MECOM: variants seen among roughly 807,000 people sequenced by gnomAD.
MECOM encodes histone-lysine N-methyltransferase MECOM.
MECOM carries 13 observed loss-of-function variants against 116.3 expected under a neutral mutation model. The ratio of observed to expected loss-of-function variants is 0.11; its 90% CI spans 0.07 to 0.18. The LOEUF is 0.18. Among genes scored for constraint, MECOM ranks in the 10% least tolerant of loss-of-function variants. The probability of loss-of-function intolerance (pLI) is 1.00; values close to 1 mark genes in which losing one functional copy is unlikely to be tolerated. For synonymous variants in MECOM, 528 were observed against 535.2 expected (o/e 0.99, Z 0.19); for missense variants, 1,299 against 1,509.0 (o/e 0.86, Z 2.31).
At chr3:169,307,389 C>T (rs1444520378) in intron 2 of MECOM, among the ~76,000 whole-genome samples, 2 of 152,036 alleles carry the variant, frequency 1.3e-5, no homozygotes, top group African/African-American at 4.8e-5. Flanking sequence ...TGAGACCAGC[C>T]TGAACAATAA....
At chr3:169,391,272 C>G (rs1358851376) in intron 1 of MECOM, among the ~76,000 whole-genome samples, 1 of 152,050 alleles carries the variant, frequency 6.6e-6, no homozygotes, top group African/African-American at 2.4e-5. Flanking sequence ...GAGCAATGGT[C>G]CTTGTTCTCA....
At chr3:169,462,192 G>C (rs539950709) in intron 1 of MECOM, among the ~76,000 whole-genome samples, 7 of 152,126 alleles carry the variant, frequency 4.6e-5, no homozygotes, top group Non-Finnish European at 1.0e-4. Flanking sequence ...AGTGAAGGTA[G>C]CCCCAGCAGA....
intron 2 of MECOM, among the ~76,000 whole-genome samples, chr3:169,229,255 A>G (rs1753096961): frequency 6.6e-6 from 1 of 152,224 alleles, no homozygotes; most frequent in African/African-American, 2.4e-5. Flanking sequence ...TTTAGCTAGA[A>G]AGTGCCATCC....
chr3:169,479,214 A>G (rs149931009), intron 1 of MECOM, among the ~76,000 whole-genome samples: 103 of 152,182 alleles, frequency 6.8e-4, no homozygotes, highest in African/African-American at 2.0e-3. Flanking sequence ...TCAGGCAGGA[A>G]GTGACACTTA....
chr3:169,491,375 G>T (rs567314468), intron 1 of MECOM, among the ~76,000 whole-genome samples: 1 of 152,124 alleles, frequency 6.6e-6, no homozygotes, highest in South Asian at 2.1e-4. Context: ...ACTAGAAAAG[G>T]CTCTAGGTTG....
intron 2 of MECOM, among the ~76,000 whole-genome samples, chr3:169,350,543 A>G (rs1177123079): frequency 6.6e-6 from 1 of 151,950 alleles, no homozygotes; most frequent in African/African-American, 2.4e-5. Context: ...AGTCCAAATT[A>G]TGAGGTGTTA....
intron 1 of MECOM, among the ~76,000 whole-genome samples, chr3:169,482,576 C>T (rs142487956): frequency 0.013 from 1,976 of 152,138 alleles, 51 homozygotes; most frequent in African/African-American, 0.046. Context: ...CCTCGTGATC[C>T]GCCCGCCTCG....
chr3:169,534,464 T>C lies in MECOM; in HGVS notation c.37+128872A>G, dbSNP rs76039226. On this transcript the variant is annotated intron_variant, in intron 1 of 16. Transcript: ENST00000651503. Reference sequence around the variant, plus strand: ...CAGTGTAATCAGTGGTAGTGGCATCTTTCACTGTCATAAGTGTGTCATTTT... The same window carrying C: ...CAGTGTAATCAGTGGTAGTGGCATCCTTCACTGTCATAAGTGTGTCATTTT... 3.2e-3 allele frequency among the ~76,000 whole-genome samples: 487 copies of C among 152,266 alleles called. 3 individuals carry two copies. Among genetic ancestry groups the C allele is most frequent in the African/African-American group, 0.011 (467 of 41,558 alleles).
At chr3:169,235,945 G>C (rs1276611254) in intron 2 of MECOM, among the ~76,000 whole-genome samples, 2 of 149,668 alleles carry the variant, frequency 1.3e-5, no homozygotes, top group African/African-American at 4.9e-5. Context: ...ACTTTATAAT[G>C]GTCCAGAAAG....
At chr3:169,427,472 A>G (rs1442216556) in intron 1 of MECOM, among the ~76,000 whole-genome samples, 1 of 152,208 alleles carries the variant, frequency 6.6e-6, no homozygotes, top group East Asian at 1.9e-4. Flanking sequence ...TTCAAAAGGA[A>G]GTCATTGTCC....
In MECOM at chr3:169,093,065, A is replaced by G. The variant is rs1274332838; in HGVS notation, c.3057T>C (p.Ser1019=). The change falls in exon 14 of 17, where the codon AGT becomes AGC. Residue 1019 remains serine (S), a synonymous_variant. Transcript: ENST00000651503. ...CTTTGTCATCCAGAATCGCACCTGT[A>G]CTTTCCAGTTCAGAATGAGGCGACG... is the stretch of plus-strand genomic sequence containing the variant. ...ATSSPHSELE[S]TGAILDDKED... is the part of the protein sequence containing the mutation. The G allele has an allele frequency of 6.2e-7, 1 of 1,613,620 alleles. No homozygotes were observed. Among genetic ancestry groups the G allele is most frequent in the Non-Finnish European group, 8.5e-7 (1 of 1,179,730 alleles).
intron 1 of MECOM, among the ~76,000 whole-genome samples, chr3:169,607,645 A>G (rs1768758292): frequency 6.6e-6 from 1 of 152,244 alleles, no homozygotes; most frequent in Admixed American, 6.5e-5. Flanking sequence ...TAAAACAGCA[A>G]TGGGTCTGGT....
intron 1 of MECOM, among the ~76,000 whole-genome samples, chr3:169,406,833 G>A (rs1371010280): frequency 1.4e-5 from 2 of 147,284 alleles, no homozygotes; most frequent in African/African-American, 2.5e-5. Context: ...AGGTTATTTG[G>A]TTACTGTTTT....
In MECOM at chr3:169,342,298, T is replaced by C. The variant is rs9833303; in HGVS notation, c.375+38889A>G. Among the ~76,000 whole-genome samples, 927 of 152,052 alleles carry C rather than the reference T, an allele frequency of 6.1e-3. 8 individuals carry two copies. Among genetic ancestry groups the C allele is most frequent in the African/African-American group, 0.022 (900 of 41,532 alleles). ...ATTTATATATAAAATATCTGTTATATTTGGGATTTTTGAATGGTTTTTAAC... is the reference window on the plus strand; with the variant it reads ...ATTTATATATAAAATATCTGTTATACTTGGGATTTTTGAATGGTTTTTAAC... On this transcript the variant is annotated intron_variant, in intron 2 of 16. Transcript: ENST00000651503.
At chr3:169,293,266 G>A (rs770004295) in intron 2 of MECOM, among the ~76,000 whole-genome samples, 12 of 152,184 alleles carry the variant, frequency 7.9e-5, no homozygotes, top group Admixed American at 3.9e-4. Context: ...TCACCCCACC[G>A]TCTATTCACC....
chr3:169,149,309 C>T (rs938343265), intron 2 of MECOM, among the ~76,000 whole-genome samples: 1 of 152,140 alleles, frequency 6.6e-6, no homozygotes, highest in Non-Finnish European at 1.5e-5. Flanking sequence ...AAACTGCTTT[C>T]AAAACGAGGA....
intron 2 of MECOM, among the ~76,000 whole-genome samples, chr3:169,294,598 C>T (rs1715239874): frequency 1.3e-5 from 2 of 152,176 alleles, no homozygotes; most frequent in South Asian, 4.1e-4. Flanking sequence ...AGAGAAGCCA[C>T]TAGAAAAACA....
At chr3:169,268,354 T>G (rs987562294) in intron 2 of MECOM, among the ~76,000 whole-genome samples, 7 of 152,192 alleles carry the variant, frequency 4.6e-5, no homozygotes, top group Non-Finnish European at 1.0e-4. Context: ...TCAACCAGCT[T>G]TTTCTCACAA....
intron 1 of MECOM, chr3:169,566,123 C>A: frequency 3.5e-6 from 1 of 289,626 alleles, no homozygotes; most frequent in East Asian, 1.3e-4. Context: ...TGAGAACTCA[C>A]TCACTATCAC....
Sources: gnomAD v4.1 joint callset for allele counts (sites outside exome capture counted in the v4.1 genomes callset) on GRCh38, gnomAD v4.1.1 for gene constraint, MANE v1.5 for transcripts, NCBI Gene and HGNC (gene_info 2026-07-23, HGNC 2026-07-21) for gene names.